Variants in AGRN observed in about 807,000 individuals in gnomAD.
The protein encoded by AGRN is agrin proteoglycan.
Under a neutral mutation model 211.0 loss-of-function variants are expected in AGRN, and 106 were observed. The ratio of observed to expected loss-of-function variants is 0.50; its 90% CI spans 0.43 to 0.59. The LOEUF is 0.59. Ranked by LOEUF, AGRN falls within the 20% of genes least tolerant of loss-of-function variation. The probability of loss-of-function intolerance (pLI) is 0.00; values close to 1 mark genes in which losing one functional copy is unlikely to be tolerated. For synonymous variants in AGRN, 1,525 were observed against 1,332.5 expected (o/e 1.14, Z -3.15); for missense variants, 3,040 against 2,982.6 (o/e 1.02, Z -0.45).
In AGRN at chr1:1,047,461, C is replaced by T. The variant is rs771959135; in HGVS notation, c.3516+7C>T. The T allele has an allele frequency of 7.4e-5, 120 of 1,612,538 alleles. No individual in the cohort carries two copies. The highest frequency in any genetic ancestry group is 4.0e-4 in the Admixed American group (24 of 59,938). On this transcript the variant is annotated splice_region_variant and intron_variant, in intron 20 of 35. Transcript: ENST00000379370. ...CAGGAGCATTGAGAGCACCGTAAGA[C>T]GGGGGCGCAGCCCCCACCTACCCAC...
chr1:1,049,673 G>A lies in AGRN; in HGVS notation c.4622G>A (p.Arg1541Gln), dbSNP rs760702396. 34 of 1,576,496 alleles carry A rather than the reference G, an allele frequency of 2.2e-5. No homozygotes were observed. Among genetic ancestry groups the A allele is most frequent in the African/African-American group, 9.4e-5 (7 of 74,290 alleles). Residue 1541 changes from arginine to glutamine, a missense_variant, in exon 26 of 36, where the codon CGA becomes CAA. Arg to Gln is a conservative substitution (Grantham distance 43). Transcript: ENST00000379370. Reference sequence around the variant, plus strand: ...GGCATTGGGCCGGGGGCTGCCACCCGAGGCTCTGGCGTGGGCGAGTGCGGG... The same window carrying A: ...GGCATTGGGCCGGGGGCTGCCACCCAAGGCTCTGGCGTGGGCGAGTGCGGG... ...ELGIGPGAAT[R>Q]GSGVGECGDH...
At chr1:1,035,401 C>T (rs1644780149) in intron 3 of AGRN, 77 bp downstream of exon 3, 2 of 1,557,932 alleles carry the variant, frequency 1.3e-6, no homozygotes, top group East Asian at 2.2e-5. Flanking sequence ...GAGGTGTGCA[C>T]CCAGACGTGT....
rs1396891318 is a variant in AGRN, at chr1:1,031,728, C to T, written c.464-3549C>T. On this transcript the variant is annotated intron_variant, in intron 2 of 35. Transcript: ENST00000379370. This position sits in a 1 kb window ranked among gnomAD's most constrained non-coding sequence, Gnocchi z 4.8. Reference sequence around the variant, plus strand: ...AGTGTTTGAGGCCCCCTCTGCCAGCCCGTACCTGGGGCTCCCCCACCCCTC... The same window carrying T: ...AGTGTTTGAGGCCCCCTCTGCCAGCTCGTACCTGGGGCTCCCCCACCCCTC... 6.6e-6 allele frequency among the ~76,000 whole-genome samples: 1 copy of T among 152,208 alleles called. No individual in the cohort carries two copies. Among genetic ancestry groups the T allele is most frequent in the African/African-American group, 2.4e-5 (1 of 41,454 alleles).
rs1320985601 is a variant in AGRN, at chr1:1,055,494, G to A, written c.*513G>A. On this transcript the variant is annotated 3_prime_UTR_variant, in exon 36 of 36. Coordinates refer to ENST00000379370, the MANE Select transcript of AGRN (RefSeq NM_198576.4). ...ATGTTACTGCTGGGCACAGCTCTGC[G>A]TTGCTCCCGTGCTGCCTGCGCCAGC... The A allele has an allele frequency of 2.5e-5, 6 of 243,798 alleles. No individual in the cohort carries two copies. Among genetic ancestry groups the A allele is most frequent in the Admixed American group, 1.5e-4 (3 of 19,536 alleles). The allele number at this position is 243,798 out of a possible 1,614,324, so 15.1% of individuals were successfully genotyped here.
rs1645202356 is a variant in AGRN, at chr1:1,049,294, C to G, written c.4357C>G (p.Gln1453Glu). Residue 1453 changes from glutamine to glutamate, a missense_variant, in exon 25 of 36, where the codon CAG becomes GAG. Around this residue, in one of 3 missense-constraint regions of AGRN, gnomAD observed 1,537 missense variants for 1,505.0 expected, o/e 1.02. Coordinates refer to ENST00000379370, the MANE Select transcript of AGRN (RefSeq NM_198576.4). ...CAGTGCCGTGCCGGTAGAGCCGGGC[C>G]AGTGGCACCGCCTGGAGCTGTCCCG... ...LTSAVPVEPG[Q>E]WHRLELSRHW... 1 of 1,597,008 alleles carries G rather than the reference C, an allele frequency of 6.3e-7. No individual in the cohort carries two copies. The highest frequency in any genetic ancestry group is 8.5e-7 in the Non-Finnish European group (1 of 1,178,756).
chr1:1,052,848 G>A (rs1388398802), intron 33 of AGRN: 1 of 156,478 alleles, frequency 6.4e-6, no homozygotes, highest in Non-Finnish European at 1.4e-5. Context: ...TGTGTCCATG[G>A]GTCCATGTAT....
intron 33 of AGRN, 87 bp from the exon 34 acceptor site, chr1:1,053,666 C>T (rs991040658): frequency 2.9e-5 from 43 of 1,503,938 alleles, no homozygotes; most frequent in Middle Eastern, 3.8e-4. Context: ...TTGTGGCCTC[C>T]GCAGCTGGGG....
intron 12 of AGRN, 124 bp from the exon 13 acceptor site, chr1:1,045,037 C>T (rs1557707552): frequency 1.9e-6 from 2 of 1,073,346 alleles, no homozygotes; most frequent in South Asian, 1.3e-5. Flanking sequence ...CTCCCGGGCT[C>T]CTCTGGGAGC....
chr1:1,043,410 C>G lies in AGRN; in HGVS notation c.1556C>G (p.Ala519Gly), dbSNP rs1570205778. 1 of 1,608,376 alleles carries G rather than the reference C, an allele frequency of 6.2e-7. No homozygotes were observed. The highest frequency in any genetic ancestry group is 2.2e-5 in the East Asian group (1 of 44,724). ...YGSACELEAT[A>G]CTLGREIQVA... ...AGCGCGTGCGAGCTGGAGGCCACGG[C>G]CTGTACCCTCGGGCGGGAGATCCAG... Residue 519 changes from alanine to glycine, a missense_variant, in exon 8 of 36, where the codon GCC (alanine) becomes GGC (glycine). Coordinates refer to ENST00000379370, the MANE Select transcript of AGRN (RefSeq NM_198576.4).
Position 1,043,381 on chromosome 1 carries a change from C to G in AGRN, c.1527C>G (p.Tyr509Ter), listed in dbSNP as rs766287924. The change falls in exon 8 of 36, where the codon TAC (tyrosine) becomes TAG (stop). Residue 509 changes from tyrosine (Y) to a stop codon, truncating the protein, a stop_gained. Coordinates refer to ENST00000379370, the MANE Select transcript of AGRN (RefSeq NM_198576.4). LOFTEE classifies it high-confidence loss of function. The part of the protein sequence containing the change: ...DPVCGSDGVT[Y>*]GSACELEATA... ...TGTGCGGCAGCGACGGCGTCACATA[C>G]GGCAGCGCGTGCGAGCTGGAGGCCA... 6.2e-7 allele frequency: 1 copy of G among 1,609,154 alleles called. No individual in the cohort carries two copies. The highest frequency in any genetic ancestry group is 2.2e-5 in the East Asian group (1 of 44,694).
At chr1:1,052,140 C>T (rs1384622579) in intron 33 of AGRN, 12 of 1,209,928 alleles carry the variant, frequency 9.9e-6, no homozygotes, top group Non-Finnish European at 1.1e-5. Flanking sequence ...GGGGGTCCGG[C>T]GCTATTTGGC....
chr1:1,044,978 A>G (rs1235995136), intron 12 of AGRN, among the ~76,000 whole-genome samples, 183 bp from the exon 13 acceptor site: 2 of 152,148 alleles, frequency 1.3e-5, no homozygotes, highest in East Asian at 1.9e-4. Flanking sequence ...ATTTACAGAC[A>G]TGTTCTTGCG....
rs558977100 is a variant in AGRN at position 1,050,894 on chromosome 1, C to T, written c.5253+57C>T. The T allele has an allele frequency of 4.9e-5, 74 of 1,518,714 alleles. 2 individuals are homozygous for T. The East Asian group carries it at 8.9e-4, about 18-fold the overall frequency. The allele number at this position is 1,518,714 out of a possible 1,614,324, so 94.1% of individuals were successfully genotyped here. On this transcript the variant is annotated intron_variant, in intron 30 of 35. Transcript: ENST00000379370. ...CTGCTGCCTGCTCTTCCTCCTCGGG[C>T]GGCAGCCCCGCCCCTGCCGGCGCTC...
At chr1:1,034,368 G>A (rs528498395) in intron 2 of AGRN, 737 of 985,472 alleles carry the variant, frequency 7.5e-4, no homozygotes, top group Non-Finnish European at 8.4e-4. Flanking sequence ...CTCCCACGAT[G>A]AGCCTGGAGG....
intron 2 of AGRN, among the ~76,000 whole-genome samples, chr1:1,023,187 C>G (rs1293881106): frequency 6.6e-6 from 1 of 152,164 alleles, no homozygotes; most frequent in Non-Finnish European, 1.5e-5. Context: ...GAGAGTGCTT[C>G]CTCCTCAAGG....
Position 1,041,509 on chromosome 1 carries a change from C to A in AGRN, c.984C>A (p.Ser328Arg). ...DPCQGALPDP[S>R]RSCRVNPRTR... ...GTCAGGGCGCCCTCCCTGACCCGAG[C>A]CGCAGCTGCCGTGTGAACCCGCGCA... The change falls in exon 6 of 36, where the codon AGC becomes AGA. Residue 328 changes from serine to arginine, a missense_variant. By Grantham distance (110) the Ser-to-Arg change is moderately radical. Around this residue, in one of 3 missense-constraint regions of AGRN, gnomAD observed 1,498 missense variants for 1,457.8 expected, o/e 1.03. Coordinates refer to ENST00000379370, the MANE Select transcript of AGRN (RefSeq NM_198576.4). The A allele has an allele frequency of 6.3e-7, 1 of 1,599,570 alleles. No individual in the cohort carries two copies. The highest frequency in any genetic ancestry group is 8.5e-7 in the Non-Finnish European group (1 of 1,178,422).
chr1:1,050,181 G>T, intron 27 of AGRN, 52 bp from the exon 28 acceptor site: 5 of 1,605,810 alleles, frequency 3.1e-6, no homozygotes, highest in Non-Finnish European at 4.3e-6. Flanking sequence ...CTGGCATGGG[G>T]TGCAGGAGGC....
intron 2 of AGRN, among the ~76,000 whole-genome samples, chr1:1,029,379 G>GTGGGGGGATCAGTGTCTATGCAGGCAGT: frequency 6.8e-6 from 1 of 148,138 alleles, no homozygotes; most frequent in Non-Finnish European, 1.5e-5. Context: ...ATGCAGGCAG[G>GTGGGGGGATCAGTGTCTATGCAGGCAGT]TGGGGGGATC....
chr1:1,054,911 G>T lies in AGRN; in HGVS notation c.6068G>T (p.Gly2023Val), dbSNP rs374160610. 6.6e-5 allele frequency: 102 copies of T among 1,548,446 alleles called. No homozygotes were observed. Among genetic ancestry groups the T allele is most frequent in the Non-Finnish European group, 8.5e-5 (97 of 1,147,300 alleles). ...GGCTGCTTGCGGGACGTGGTGGTGG[G>T]CCGGCACCCGCTGCACCTGCTGGAG... ...FVGCLRDVVV[G>V]RHPLHLLEDA... Residue 2023 changes from glycine to valine, a missense_variant, in exon 36 of 36, where the codon GGC (glycine) becomes GTC (valine). This residue lies in a region of AGRN where 1,537 missense variants were observed against 1,505.0 expected (regional missense o/e 1.02). Transcript: ENST00000379370.
Sources: allele counts gnomAD v4.1 joint callset (sites outside exome capture counted in the v4.1 genomes callset), GRCh38; gene constraint gnomAD v4.1.1; regional missense constraint gnomAD v4.1.1; non-coding constraint Gnocchi (gnomAD v3.1); transcripts MANE v1.5; gene names NCBI Gene and HGNC (gene_info 2026-07-23, HGNC 2026-07-21).